DOCK8: variants seen among roughly 807,000 people sequenced by gnomAD.
DOCK8 encodes dedicator of cytokinesis 8.
DOCK8 carries 141 observed loss-of-function variants against 245.6 expected under a neutral mutation model. The ratio of observed to expected loss-of-function variants is 0.57; its 90% CI spans 0.50 to 0.66. The LOEUF (loss-of-function observed/expected upper bound fraction) is 0.66. Among genes scored for constraint, DOCK8 ranks in the 30% least tolerant of loss-of-function variants. The pLI is 0.00. For synonymous variants in DOCK8, 1,168 were observed against 970.2 expected (o/e 1.20, Z -3.79); for missense variants, 2,965 against 2,603.4 (o/e 1.14, Z -3.02).
At position 325,748 on chromosome 9, in the gene DOCK8, A is replaced by G; in HGVS notation, c.894+11A>G. 1.2e-6 allele frequency: 2 copies of G among 1,611,784 alleles called. No homozygotes were observed. The highest frequency in any genetic ancestry group is 1.7e-6 in the Non-Finnish European group (2 of 1,177,882). On this transcript the variant is annotated intron_variant, in intron 8 of 47. Transcript: ENST00000432829. ...AAAGAAAGGAAAAAGGTAAGAAAGC[A>G]AAGAAAAATCCATCCCTAAGGCACA... is the stretch of plus-strand genomic sequence containing the variant.
chr9:260,363 C>G (rs1184304522), intron 1 of DOCK8, among the ~76,000 whole-genome samples: 2 of 152,172 alleles, frequency 1.3e-5, no homozygotes, highest in Non-Finnish European at 2.9e-5. Flanking sequence ...CCCCTCAATG[C>G]AAATGTTGGT....
intron 1 of DOCK8, among the ~76,000 whole-genome samples, chr9:225,337 G>A (rs1177648201): frequency 6.6e-6 from 1 of 152,160 alleles, no homozygotes; most frequent in East Asian, 1.9e-4. Flanking sequence ...GGCCCTGAAG[G>A]GAGGTGACTC....
chr9:288,618 G>A (rs910054646), intron 3 of DOCK8, among the ~76,000 whole-genome samples: 3 of 152,118 alleles, frequency 2.0e-5, no homozygotes, highest in African/African-American at 7.2e-5. Context: ...CACACTAACC[G>A]ATTTAATCTT....
intron 6 of DOCK8, 66 bp from the exon 7 acceptor site, chr9:316,977 G>C: frequency 7.6e-7 from 1 of 1,314,808 alleles, no homozygotes; most frequent in South Asian, 1.2e-5. Context: ...CCTTCCCTGG[G>C]TTAACTCTAA....
At chr9:357,085 G>T (rs2052480887) in intron 14 of DOCK8, among the ~76,000 whole-genome samples, 1 of 152,186 alleles carries the variant, frequency 6.6e-6, no homozygotes, top group Admixed American at 6.5e-5. Context: ...AGTGAAGTGG[G>T]TTTTAAGGAT....
chr9:405,419 A>G (rs1051852476), intron 27 of DOCK8, among the ~76,000 whole-genome samples: 7 of 152,204 alleles, frequency 4.6e-5, no homozygotes, highest in African/African-American at 1.7e-4. Context: ...CAAAGTAAAT[A>G]AGTTTTGGAA....
chr9:404,286 T>C (rs754687305), intron 26 of DOCK8, among the ~76,000 whole-genome samples: 2 of 152,014 alleles, frequency 1.3e-5, no homozygotes, highest in African/African-American at 4.8e-5. Flanking sequence ...TCATGGTTTA[T>C]TTTTTAAAGG....
Position 446,560 on chromosome 9 carries a change from C to G in DOCK8, c.5771C>G (p.Ala1924Gly), listed in dbSNP as rs1414924216. 3 of 1,614,094 alleles carry G rather than the reference C, an allele frequency of 1.9e-6. No individual in the cohort carries two copies. In the Admixed American group the frequency reaches 5.0e-5, roughly 27 times the overall value. ...RRNTVLTTMHAFPYIKTRISV... is the reference protein window; with the variant it reads ...RRNTVLTTMHGFPYIKTRISV... ...AACACAGTCCTGACCACTATGCACG[C>G]CTTCCCCTACATCAAGACCAGGATC... The change falls in exon 44 of 48, where the codon GCC (alanine) becomes GGC (glycine). Residue 1924 changes from alanine to glycine, a missense_variant. Physicochemically the swap from Ala to Gly is moderately conservative, Grantham distance 60 (BLOSUM62 0). Transcript: ENST00000432829.
At chr9:373,093 G>T (rs2053370948) in intron 18 of DOCK8, among the ~76,000 whole-genome samples, 1 of 152,146 alleles carries the variant, frequency 6.6e-6, no homozygotes, top group Non-Finnish European at 1.5e-5. Context: ...CTTTAACCTG[G>T]GAAGTGGAGG....
At chr9:250,427 C>A (rs2047618448) in intron 1 of DOCK8, among the ~76,000 whole-genome samples, 1 of 152,118 alleles carries the variant, frequency 6.6e-6, no homozygotes, top group Admixed American at 6.5e-5. Context: ...AGAAAAAGAC[C>A]ATTTACAATA....
intron 14 of DOCK8, among the ~76,000 whole-genome samples, chr9:349,456 C>T (rs1305857804): frequency 6.6e-6 from 1 of 152,212 alleles, no homozygotes; most frequent in Non-Finnish European, 1.5e-5. Context: ...CATAACGGCT[C>T]ATTTTAATGA....
chr9:310,365 A>G (rs1563907397), intron 5 of DOCK8, among the ~76,000 whole-genome samples: 1 of 152,240 alleles, frequency 6.6e-6, no homozygotes, highest in Non-Finnish European at 1.5e-5. Flanking sequence ...CTAACTTTAA[A>G]AAAAATTTTC....
At chr9:311,040 C>G (rs2050085689) in intron 5 of DOCK8, among the ~76,000 whole-genome samples, 2 of 152,098 alleles carry the variant, frequency 1.3e-5, no homozygotes, top group African/African-American at 4.8e-5. Flanking sequence ...AATCCTAGCA[C>G]TTTGGGAGGT....
At chr9:328,248 C>T (rs893492339) in intron 9 of DOCK8, 77 bp downstream of exon 9, 16 of 1,518,736 alleles carry the variant, frequency 1.1e-5, no homozygotes, top group African/African-American at 4.1e-5. Context: ...TTGGGGTGCA[C>T]GCAATCTCAG....
chr9:370,567 A>G (rs2053240652), intron 16 of DOCK8, among the ~76,000 whole-genome samples: 1 of 152,240 alleles, frequency 6.6e-6, no homozygotes, highest in Non-Finnish European at 1.5e-5. Context: ...AAGAGGTTGT[A>G]TTACGTTAAT....
In DOCK8 at chr9:342,308, T is replaced by C. The variant is rs1395606404; in HGVS notation, c.1679+1987T>C. Among the ~76,000 whole-genome samples the C allele has an allele frequency of 4.0e-5, 6 of 150,734 alleles. No homozygotes were observed. In the East Asian group the frequency reaches 7.7e-4, roughly 19 times the overall value. The stretch of plus-strand genomic sequence containing the variant: ...TGTTTTTCTTTTTTCTTTTTTTTTT[T>C]TTTTTTGTTTGAGTATTACTATGGA... On this transcript the variant is annotated intron_variant, in intron 14 of 47. Transcript: ENST00000432829.
At position 368,004 on chromosome 9, in the gene DOCK8, C is replaced by G; in HGVS notation, c.1680-14C>G. The G allele has an allele frequency of 6.3e-7, 1 of 1,590,834 alleles. No homozygotes were observed. Among genetic ancestry groups the G allele is most frequent in the Non-Finnish European group, 8.6e-7 (1 of 1,158,936 alleles). ...TAGACCTTTTTCATTGATTCTTTAT[C>G]TCTTCTTTTCCAGAAACCTTCTCTA... On this transcript the variant is annotated splice_polypyrimidine_tract_variant and intron_variant, in intron 14 of 47. Transcript: ENST00000432829.
intron 1 of DOCK8, among the ~76,000 whole-genome samples, chr9:239,546 A>G (rs1468662712): frequency 1.3e-5 from 2 of 152,218 alleles, no homozygotes; most frequent in Non-Finnish European, 2.9e-5. Context: ...ATCCTGAAGA[A>G]TAGCAACTGT....
intron 23 of DOCK8, among the ~76,000 whole-genome samples, chr9:390,207 C>G (rs1238590720): frequency 6.6e-6 from 1 of 152,102 alleles, no homozygotes; most frequent in African/African-American, 2.4e-5. Context: ...AATAGAGTTT[C>G]ACTCCCAGGC....
Sources: gnomAD v4.1 joint callset for allele counts (sites outside exome capture counted in the v4.1 genomes callset) on GRCh38, gnomAD v4.1.1 for gene constraint, MANE v1.5 for transcripts, NCBI Gene and HGNC (gene_info 2026-07-23, HGNC 2026-07-21) for gene names.